Variants in UBR2 observed in about 807,000 individuals in gnomAD.
UBR2 encodes ubiquitin protein ligase E3 component n-recognin 2.
Under a neutral mutation model 247.9 loss-of-function variants are expected in UBR2, and 92 were observed. That is an observed-to-expected ratio of 0.37 (90% CI 0.31 to 0.44). UBR2 has a LOEUF of 0.44. Ranked by LOEUF, UBR2 falls within the 20% of genes least tolerant of loss-of-function variation. The pLI, the probability that UBR2 is intolerant of heterozygous loss-of-function variation, is 1.00. For synonymous variants in UBR2, 672 were observed against 693.5 expected, an observed-to-expected ratio of 0.97 and a Z score of 0.49; for missense variants, 1,613 against 2,112.6, an observed-to-expected ratio of 0.76 and a Z score of 4.64.
At chr6:42,658,537 G>T in intron 28 of UBR2, 109 bp from the exon 29 acceptor site, 1 of 1,199,914 alleles carries the variant, frequency 8.3e-7, no homozygotes, top group Non-Finnish European at 1.1e-6. Context: ...AAATAAGTGA[G>T]ATTATAGAAT....
At chr6:42,603,256 A>G (rs939026902) in intron 4 of UBR2, among the ~76,000 whole-genome samples, 1 of 152,236 alleles carries the variant, frequency 6.6e-6, no homozygotes, top group Non-Finnish European at 1.5e-5. Flanking sequence ...GGGGTTAGTA[A>G]GATACAAAGC....
In UBR2 at chr6:42,679,827, T is replaced by G. The variant is rs759534183; in HGVS notation, c.4713T>G (p.Ile1571Met). Residue 1571 changes from isoleucine (I) to methionine (M), a missense_variant, in exon 42 of 47, where the codon ATT becomes ATG. Physicochemically the swap from Ile to Met is conservative, Grantham distance 10. Coordinates refer to ENST00000372901, the MANE Select transcript of UBR2 (RefSeq NM_001363705.2). ...QENSEIMNSL[I>M]ESWCRNSEVK... ...ATAGTGAGATAATGAATTCACTGAT[T>G]GAAAGGTAATGATTATATACTTTTC... 1 of 1,600,740 alleles carries G rather than the reference T, an allele frequency of 6.2e-7. No individual in the cohort carries two copies. Among genetic ancestry groups the G allele is most frequent in the Admixed American group, 1.7e-5 (1 of 59,730 alleles).
chr6:42,623,416 C>T (rs1176945537), intron 11 of UBR2, among the ~76,000 whole-genome samples: 1 of 152,146 alleles, frequency 6.6e-6, no homozygotes, highest in Non-Finnish European at 1.5e-5. Flanking sequence ...GGACTATAGG[C>T]ATGCACCACT....
intron 46 of UBR2, among the ~76,000 whole-genome samples, chr6:42,690,361 G>T (rs1799685230): frequency 6.6e-6 from 1 of 152,208 alleles, no homozygotes; most frequent in Non-Finnish European, 1.5e-5. Flanking sequence ...CAGTGCTGGT[G>T]CTTCCCACTG....
At chr6:42,678,693 C>T (rs373292415) in intron 41 of UBR2, 24 bp downstream of exon 41, 106 of 1,598,576 alleles carry the variant, frequency 6.6e-5, no homozygotes, top group Middle Eastern at 1.7e-4. Flanking sequence ...TCTTTCAAAA[C>T]GTAGGGAGAG....
chr6:42,645,319 C>A, intron 20 of UBR2, 147 bp from the exon 21 acceptor site: 1 of 744,836 alleles, frequency 1.3e-6, no homozygotes, highest in Non-Finnish European at 2.1e-6. Flanking sequence ...CTGCTCTCTC[C>A]CTGGCTTATT....
In UBR2 at chr6:42,632,642, T is replaced by C. The variant is rs371117571; in HGVS notation, c.1372T>C (p.Phe458Leu). 170 of 1,613,708 alleles carry C rather than the reference T, an allele frequency of 1.1e-4. No homozygotes were observed. Among genetic ancestry groups the C allele is most frequent in the Non-Finnish European group, 1.4e-4 (168 of 1,179,872 alleles). Residue 458 changes from phenylalanine (F) to leucine (L), a missense_variant, in exon 12 of 47, where the codon TTT (phenylalanine) becomes CTT (leucine). By Grantham distance (22) the Phe-to-Leu change is conservative. This residue lies in a region of UBR2 where 1,524 missense variants were observed against 1,967.3 expected (regional missense o/e 0.77). Transcript: ENST00000372901. Reference protein sequence around the residue: ...HLRHRDAQGRFQFERYTALQA... With the variant: ...HLRHRDAQGRLQFERYTALQA... ...GAGACATCGAGATGCCCAGGGCAGA[T>C]TTCAGTTTGAACGATACACTGCTTT... is the stretch of plus-strand genomic sequence containing the variant.
intron 4 of UBR2, among the ~76,000 whole-genome samples, chr6:42,595,176 C>G (rs773756352): frequency 3.3e-5 from 5 of 152,154 alleles, no homozygotes; most frequent in Non-Finnish European, 7.4e-5. Flanking sequence ...TCACCATCCG[C>G]TCTTCTAGCT....
chr6:42,602,437 C>T (rs1203045635), intron 4 of UBR2, among the ~76,000 whole-genome samples: 2 of 151,530 alleles, frequency 1.3e-5, no homozygotes, highest in East Asian at 1.9e-4. Context: ...CTCCTGACCT[C>T]GCGATCCGCC....
At chr6:42,671,917 A>AT (rs1798464907) in intron 36 of UBR2, among the ~76,000 whole-genome samples, 1 of 152,182 alleles carries the variant, frequency 6.6e-6, no homozygotes, top group African/African-American at 2.4e-5. Flanking sequence ...ATCTCTGCCT[A>AT]TTTTTTTAAC....
chr6:42,682,678 C>T (rs1032757869), intron 42 of UBR2, among the ~76,000 whole-genome samples: 8 of 152,096 alleles, frequency 5.3e-5, no homozygotes, highest in South Asian at 2.1e-4. Context: ...CCTCAGCCTC[C>T]GAAAGTGCAG....
Position 42,605,746 on chromosome 6 carries a change from A to G in UBR2, c.688A>G (p.Met230Val). The change falls in exon 6 of 47, where the codon ATG becomes GTG. Residue 230 changes from methionine to valine, a missense_variant. Physicochemically the swap from Met to Val is conservative, Grantham distance 21. This residue lies in a region of UBR2 where 1,524 missense variants were observed against 1,967.3 expected (regional missense o/e 0.77). Transcript: ENST00000372901. ...MVEKSDTYYC[M>V]LFNDEVHTYE... is the part of the protein sequence containing the mutation. ...AGAGAAGAGTGACACCTACTATTGC[A>G]TGCTGTTTAATGATGAGGTTCACAC... The G allele has an allele frequency of 6.2e-7, 1 of 1,610,684 alleles. No individual in the cohort carries two copies. Among genetic ancestry groups the G allele is most frequent in the Non-Finnish European group, 8.5e-7 (1 of 1,178,914 alleles).
intron 11 of UBR2, among the ~76,000 whole-genome samples, chr6:42,630,633 C>T (rs9471889): frequency 0.29 from 43,515 of 152,004 alleles, 6,356 homozygotes; most frequent in Non-Finnish European, 0.32. Flanking sequence ...AATATCGTCT[C>T]TCCACCAAAC....
chr6:42,594,143 C>A (rs754107172), intron 3 of UBR2, 48 bp from the exon 4 acceptor site: 43 of 1,351,520 alleles, frequency 3.2e-5, no homozygotes, highest in Non-Finnish European at 4.3e-5. Flanking sequence ...TATCTGATAG[C>A]CCTCAGTAAA....
chr6:42,594,516 T>C (rs1354812831), intron 4 of UBR2, among the ~76,000 whole-genome samples: 1 of 152,232 alleles, frequency 6.6e-6, no homozygotes, highest in Non-Finnish European at 1.5e-5. Flanking sequence ...TTCTGATTTT[T>C]TATTTGGTTG....
At chr6:42,625,365 A>C (rs893468879) in intron 11 of UBR2, among the ~76,000 whole-genome samples, 2 of 151,872 alleles carry the variant, frequency 1.3e-5, no homozygotes, top group African/African-American at 4.8e-5. Flanking sequence ...TATTTAATAC[A>C]TTTCAGATCT....
At chr6:42,690,147 A>G (rs930912852) in intron 46 of UBR2, among the ~76,000 whole-genome samples, 3 of 152,226 alleles carry the variant, frequency 2.0e-5, no homozygotes, top group Admixed American at 6.5e-5. Context: ...GCTTTAGTAT[A>G]TTGTAAGCTA....
intron 11 of UBR2, among the ~76,000 whole-genome samples, chr6:42,631,422 AAG>A (rs1795702388): frequency 6.6e-6 from 1 of 152,200 alleles, no homozygotes; most frequent in Admixed American, 6.5e-5. Context: ...TGTAGGTAGA[AAG>A]AGAAATTGTT....
intron 2 of UBR2, among the ~76,000 whole-genome samples, chr6:42,588,362 A>G (rs925425404): frequency 3.3e-5 from 5 of 152,208 alleles, no homozygotes; most frequent in African/African-American, 1.2e-4. Flanking sequence ...TTGGAAGTTC[A>G]TTAAACTTTG....
Sources: allele counts gnomAD v4.1 joint callset (sites outside exome capture counted in the v4.1 genomes callset), GRCh38; gene constraint gnomAD v4.1.1; regional missense constraint gnomAD v4.1.1; transcripts MANE v1.5; gene names NCBI Gene and HGNC (gene_info 2026-07-23, HGNC 2026-07-21).